FGF12: variants seen among roughly 807,000 people sequenced by gnomAD.
FGF12 encodes fibroblast growth factor 12B.
FGF12 carries 14 observed loss-of-function variants against 23.6 expected under a neutral mutation model. The ratio of observed to expected loss-of-function variants is 0.59; its 90% confidence interval spans 0.39 to 0.93. FGF12 has a LOEUF of 0.93. Among genes scored for constraint, FGF12 ranks in the 40% least tolerant of loss-of-function variants. The pLI is 0.00. For missense variants in FGF12, 175 were observed against 217.8 expected (o/e 0.80, Z 1.24); for synonymous variants, 62 against 77.3 (o/e 0.80, Z 1.04).
chr3:192,353,209 G>T (rs1377461445), intron 3 of FGF12, among the ~76,000 whole-genome samples: 1 of 151,992 alleles, frequency 6.6e-6, no homozygotes, highest in Non-Finnish European at 1.5e-5. Context: ...CTCTTTCTAG[G>T]AATACACTTG....
rs867443120 is a variant in FGF12 at position 192,318,465 on chromosome 3, A to C, written c.228+16896T>G. On this transcript the variant is annotated intron_variant, in intron 4 of 5. Coordinates refer to ENST00000445105, the MANE Select transcript of FGF12 (RefSeq NM_004113.6). ...GAAGAATGCATTAACATCTCTTAACAGCAGAATTAATCAAGCAGAATAAAG... is the reference window on the plus strand; with the variant it reads ...GAAGAATGCATTAACATCTCTTAACCGCAGAATTAATCAAGCAGAATAAAG... 7.2e-5 allele frequency among the ~76,000 whole-genome samples: 11 copies of C among 152,220 alleles called. No homozygotes were observed. In the South Asian group the frequency reaches 1.2e-3, roughly 17 times the overall value.
At chr3:192,486,353 C>A (rs1480051869) in intron 2 of FGF12, among the ~76,000 whole-genome samples, 2 of 151,890 alleles carry the variant, frequency 1.3e-5, no homozygotes, top group African/African-American at 4.8e-5. Context: ...GGTCCTGTGG[C>A]AAACAGAGTA....
At position 192,305,759 on chromosome 3, in the gene FGF12, G is replaced by A. The variant is rs192842883; in HGVS notation, c.228+29602C>T. ...TCTAGAGTTAAGAGTCTTAGTTTTT[G>A]TGTCGGACACTGATATTAGTGACCC... is the stretch of plus-strand genomic sequence containing the variant. On this transcript the variant is annotated intron_variant, in intron 4 of 5. Coordinates refer to ENST00000445105, the MANE Select transcript of FGF12 (RefSeq NM_004113.6). Among the ~76,000 whole-genome samples the A allele has an allele frequency of 1.6e-3, 228 of 146,368 alleles. 1 individual carries two copies. Among genetic ancestry groups the A allele is most frequent in the Middle Eastern group, 0.011 (3 of 276 alleles).
intron 2 of FGF12, among the ~76,000 whole-genome samples, chr3:192,361,169 CA>C (rs10651290): frequency 0.06 from 5,933 of 98,288 alleles, 72 homozygotes; most frequent in South Asian, 0.12. Flanking sequence ...TTCTCCAGTA[CA>C]AAAAAAAAAA....
At chr3:192,671,930 G>T (rs1043031211) in intron 2 of FGF12, among the ~76,000 whole-genome samples, 1 of 152,112 alleles carries the variant, frequency 6.6e-6, no homozygotes, top group Non-Finnish European at 1.5e-5. Context: ...TAATTAACTG[G>T]ATTTAAATAA....
chr3:192,629,395 T>C (rs574415279), intron 2 of FGF12, among the ~76,000 whole-genome samples: 4 of 152,334 alleles, frequency 2.6e-5, no homozygotes, highest in Middle Eastern at 3.4e-3. Context: ...CTAAAGAGTT[T>C]AAAATGTTGG....
At chr3:192,490,876 G>A (rs1178629886) in intron 2 of FGF12, among the ~76,000 whole-genome samples, 6 of 152,212 alleles carry the variant, frequency 3.9e-5, no homozygotes, top group African/African-American at 1.4e-4. Context: ...CTGCCCTTGG[G>A]GAGGGCAGTG....
intron 2 of FGF12, among the ~76,000 whole-genome samples, chr3:192,445,293 T>C (rs1228251412): frequency 6.6e-6 from 1 of 152,188 alleles, no homozygotes; most frequent in African/African-American, 2.4e-5. Flanking sequence ...TGGGGCTGAA[T>C]CCCAGGAAGG....
chr3:192,712,576 T>A (rs1441952001), intron 2 of FGF12, among the ~76,000 whole-genome samples: 2 of 151,824 alleles, frequency 1.3e-5, no homozygotes, highest in African/African-American at 4.8e-5. Context: ...ACAACAAAAC[T>A]GGCAGAAAAA....
rs762260168 is a variant in FGF12 at position 192,634,413 on chromosome 3, T to G, written c.13+92768A>C. On this transcript the variant is annotated intron_variant, in intron 2 of 5. Coordinates refer to ENST00000445105, the MANE Select transcript of FGF12 (RefSeq NM_004113.6). ...ATTGTATTAGAAATTAAAAGTAACT[T>G]AGACATGATTTAAATTATACAGGGA... 6.1e-4 allele frequency among the ~76,000 whole-genome samples: 93 copies of G among 152,300 alleles called. 2 individuals carry two copies. The highest frequency in any genetic ancestry group is 5.4e-4 in the Non-Finnish European group (37 of 68,038).
intron 3 of FGF12, among the ~76,000 whole-genome samples, chr3:192,359,986 G>A (rs1435720214): frequency 2.0e-5 from 3 of 151,664 alleles, no homozygotes; most frequent in African/African-American, 7.3e-5. Context: ...CATGTACTCA[G>A]TGTTTACCTT....
At chr3:192,650,795 A>G (rs771785558) in intron 2 of FGF12, among the ~76,000 whole-genome samples, 10 of 152,352 alleles carry the variant, frequency 6.6e-5, no homozygotes, top group Non-Finnish European at 1.2e-4. Context: ...AATGCCACAT[A>G]TTAATGTATG....
chr3:192,710,962 G>A (rs535444717), intron 2 of FGF12, among the ~76,000 whole-genome samples: 1 of 152,182 alleles, frequency 6.6e-6, no homozygotes, highest in East Asian at 1.9e-4. Flanking sequence ...CTAAAGATAC[G>A]GACCTCAGGA....
intron 2 of FGF12, among the ~76,000 whole-genome samples, chr3:192,490,434 G>A (rs546225895): frequency 6.6e-6 from 1 of 151,980 alleles, no homozygotes; most frequent in African/African-American, 2.4e-5. Context: ...ACATATGTGT[G>A]TATGGATATT....
chr3:192,625,888 C>T (rs1045158260), intron 2 of FGF12, among the ~76,000 whole-genome samples: 3 of 152,052 alleles, frequency 2.0e-5, no homozygotes, highest in Non-Finnish European at 4.4e-5. Flanking sequence ...TGCAATTTTT[C>T]CCAAGATCCC....
intron 4 of FGF12, among the ~76,000 whole-genome samples, chr3:192,262,612 C>T (rs1416552172): frequency 6.6e-6 from 1 of 152,062 alleles, no homozygotes; most frequent in Non-Finnish European, 1.5e-5. Context: ...CAGTACCACA[C>T]CATATGGGTT....
Position 192,143,820 on chromosome 3 carries a change from A to G in FGF12, c.*189T>C. The G allele has an allele frequency of 1.9e-6, 1 of 513,592 alleles. No individual in the cohort carries two copies. The highest frequency in any genetic ancestry group is 3.0e-5 in the South Asian group (1 of 33,854). The allele number at this position is 513,592 out of a possible 1,614,324, so 31.8% of individuals were successfully genotyped here. Reference sequence around the variant, plus strand: ...CACGTGAATTTTCTACCACATTGCAACAAGCAAGCTTTGGTTCAATTTTCT... The same window carrying G: ...CACGTGAATTTTCTACCACATTGCAGCAAGCAAGCTTTGGTTCAATTTTCT... On this transcript the variant is annotated 3_prime_UTR_variant, in exon 6 of 6. Transcript: ENST00000445105.
chr3:192,380,494 G>C (rs1348683554), intron 2 of FGF12, among the ~76,000 whole-genome samples: 3 of 152,108 alleles, frequency 2.0e-5, no homozygotes, highest in Non-Finnish European at 4.4e-5. Context: ...GGCTAATAGA[G>C]TATAAGTTCA....
At chr3:192,457,785 A>C (rs1647812377) in intron 2 of FGF12, among the ~76,000 whole-genome samples, 1 of 152,228 alleles carries the variant, frequency 6.6e-6, no homozygotes, top group South Asian at 2.1e-4. Context: ...AAGGAGCCTA[A>C]TGTTAATCCC....
Sources: allele counts gnomAD v4.1 joint callset (sites outside exome capture counted in the v4.1 genomes callset), GRCh38; gene constraint gnomAD v4.1.1; transcripts MANE v1.5; gene names NCBI Gene and HGNC (gene_info 2026-07-23, HGNC 2026-07-21).